Variants in PABPC4L observed in about 807,000 individuals in gnomAD.
PABPC4L encodes poly(A) binding protein cytoplasmic 4 like, also known as polyadenylate-binding protein 4-like.
For missense variants in PABPC4L, 452 were observed against 451.4 expected (o/e 1.00, Z -0.01); for synonymous variants, 169 against 164.1 (o/e 1.03, Z -0.23).
the PABPC4L span, among the ~76,000 whole-genome samples, chr4:134,116,901 T>C: frequency 1.6e-3 from 239 of 151,884 alleles, 1 homozygote; most frequent in African/African-American, 5.4e-3. Flanking sequence ...TAATTAAATG[T>C]ATGCATCTAC....
At chr4:134,183,740 T>G in the PABPC4L span, among the ~76,000 whole-genome samples, 1 of 152,086 alleles carries the variant, frequency 6.6e-6, no homozygotes, top group African/African-American at 2.4e-5. Context: ...AGAATAAAAC[T>G]AATAAAGATA....
At chr4:134,130,324 C>T in the PABPC4L span, among the ~76,000 whole-genome samples, 1 of 152,008 alleles carries the variant, frequency 6.6e-6, no homozygotes, top group East Asian at 1.9e-4. Context: ...TCCAAATAAG[C>T]TCAATTAAAA....
At chr4:134,114,502 A>T in the PABPC4L span, among the ~76,000 whole-genome samples, 2 of 151,800 alleles carry the variant, frequency 1.3e-5, no homozygotes, top group Non-Finnish European at 2.9e-5. Flanking sequence ...ATCTGGCAAG[A>T]TTGTACCTCC....
chr4:134,143,674 T>A, the PABPC4L span, among the ~76,000 whole-genome samples: 1 of 151,264 alleles, frequency 6.6e-6, no homozygotes, highest in Non-Finnish European at 1.5e-5. Context: ...TCCCCATAAC[T>A]CAGTTCTAAG....
chr4:134,162,127 A>G, the PABPC4L span, among the ~76,000 whole-genome samples: 1 of 152,228 alleles, frequency 6.6e-6, no homozygotes, highest in East Asian at 1.9e-4. Context: ...CAGAGAAAAT[A>G]ACTTTTAAAC....
At chr4:134,168,158 A>G in the PABPC4L span, among the ~76,000 whole-genome samples, 3 of 152,058 alleles carry the variant, frequency 2.0e-5, no homozygotes, top group Non-Finnish European at 4.4e-5. Flanking sequence ...AAATTAAACA[A>G]CATTCTCTTG....
the PABPC4L span, among the ~76,000 whole-genome samples, chr4:133,948,952 C>A: frequency 1.3e-5 from 2 of 152,152 alleles, no homozygotes; most frequent in Non-Finnish European, 2.9e-5. Context: ...CCTGGGTGAG[C>A]TCAAGTTTGA....
At chr4:134,056,776 T>C in the PABPC4L span, among the ~76,000 whole-genome samples, 1 of 151,988 alleles carries the variant, frequency 6.6e-6, no homozygotes, top group Non-Finnish European at 1.5e-5. Flanking sequence ...GTTCTAGATG[T>C]TTTTTGGTAG....
At chr4:133,987,977 C>T in the PABPC4L span, among the ~76,000 whole-genome samples, 1 of 152,132 alleles carries the variant, frequency 6.6e-6, no homozygotes, top group African/African-American at 2.4e-5. Flanking sequence ...ATGGTGGCAG[C>T]AAGAAGTGCA....
the PABPC4L span, among the ~76,000 whole-genome samples, chr4:134,171,201 C>T: frequency 1.3e-5 from 2 of 152,098 alleles, no homozygotes; most frequent in East Asian, 1.9e-4. Flanking sequence ...CTGCAACCTC[C>T]ACCTCCCAGG....
chr4:134,104,552 T>C, the PABPC4L span, among the ~76,000 whole-genome samples: 5 of 151,858 alleles, frequency 3.3e-5, no homozygotes, highest in East Asian at 9.7e-4. Context: ...TCAGCACCTG[T>C]TTGAGGCATC....
At chr4:134,009,742 G>A in the PABPC4L span, among the ~76,000 whole-genome samples, 3 of 151,946 alleles carry the variant, frequency 2.0e-5, no homozygotes, top group Non-Finnish European at 2.9e-5. Flanking sequence ...TTCCTCTGAA[G>A]GCTATGTTGA....
the PABPC4L span, among the ~76,000 whole-genome samples, chr4:134,089,668 A>AT: frequency 3.8e-4 from 57 of 151,490 alleles, no homozygotes; most frequent in Non-Finnish European, 7.1e-4. Flanking sequence ...GCACTTATAC[A>AT]TTTTTTTTTC....
the PABPC4L span, among the ~76,000 whole-genome samples, chr4:134,175,640 G>T: frequency 6.6e-6 from 1 of 151,926 alleles, no homozygotes; most frequent in Non-Finnish European, 1.5e-5. Flanking sequence ...GTAGAGATGG[G>T]GTTTTGCCAT....
chr4:134,136,023 G>C, the PABPC4L span, among the ~76,000 whole-genome samples: 1 of 151,964 alleles, frequency 6.6e-6, no homozygotes, highest in African/African-American at 2.4e-5. Flanking sequence ...ATTTCAAAAA[G>C]TATGAGGATA....
chr4:133,999,771 G>A, the PABPC4L span, among the ~76,000 whole-genome samples: 2 of 151,958 alleles, frequency 1.3e-5, no homozygotes, highest in Admixed American at 6.6e-5. Context: ...GTCGTTTGAG[G>A]AGAGAGAGTT....
At chr4:133,999,078 C>A in the PABPC4L span, among the ~76,000 whole-genome samples, 1 of 152,180 alleles carries the variant, frequency 6.6e-6, no homozygotes, top group Non-Finnish European at 1.5e-5. Flanking sequence ...TTGCTAAGCT[C>A]TTCCCAGTTT....
the PABPC4L span, among the ~76,000 whole-genome samples, chr4:133,964,230 A>T: frequency 6.6e-6 from 1 of 152,210 alleles, no homozygotes. Context: ...AGAGATAGAT[A>T]AATTTCTGGA....
chr4:134,177,399 C>T, the PABPC4L span, among the ~76,000 whole-genome samples: 1 of 151,982 alleles, frequency 6.6e-6, no homozygotes, highest in Non-Finnish European at 1.5e-5. Context: ...TAGTCTTGAT[C>T]TCTTGAACTT....
Sources: allele counts gnomAD v4.1 joint callset (sites outside exome capture counted in the v4.1 genomes callset), GRCh38; gene constraint gnomAD v4.1.1; transcripts MANE v1.5; gene names NCBI Gene and HGNC (gene_info 2026-07-23, HGNC 2026-07-21).